Variants in TGM4 observed in about 807,000 individuals in gnomAD.
TGM4 encodes the protein protein-glutamine gamma-glutamyltransferase 4.
In TGM4, 61 loss-of-function variants were observed where a neutral mutation model predicts 76.3. The ratio of observed to expected loss-of-function variants is 0.80; its 90% CI spans 0.65 to 0.99. The LOEUF (loss-of-function observed/expected upper bound fraction) is 0.99. TGM4 is among the 50% of genes least tolerant of loss of function. The probability of loss-of-function intolerance (pLI) is 0.00; values close to 1 mark genes in which losing one functional copy is unlikely to be tolerated. For synonymous variants in TGM4, 337 were observed against 329.8 expected (o/e 1.02, Z -0.24); for missense variants, 794 against 843.2 (o/e 0.94, Z 0.72).
intron 1 of TGM4, among the ~76,000 whole-genome samples, chr3:44,882,260 G>A (rs1699544182): frequency 6.6e-6 from 1 of 152,034 alleles, no homozygotes; most frequent in African/African-American, 2.4e-5. Flanking sequence ...CCCCAGTGTG[G>A]CTTCCTGTAG....
At position 44,901,562 on chromosome 3, in the gene TGM4, T is replaced by C. The variant is rs577480078; in HGVS notation, c.696T>C (p.Asn232=). ...FEKGQGVLIG[N]WTGDYEGGTA... ...AAGGCCAGGGCGTGCTCATTGGGAA[T>C]TGGACTGGGGACTACGAAGGTGGCA... Residue 232 remains asparagine, a synonymous_variant, in exon 7 of 14, where the codon AAT becomes AAC. Coordinates refer to ENST00000296125, the MANE Select transcript of TGM4 (RefSeq NM_003241.4). 1.2e-6 allele frequency: 2 copies of C among 1,613,618 alleles called. No homozygotes were observed. Among genetic ancestry groups the C allele is most frequent in the South Asian group, 1.1e-5 (1 of 90,996 alleles).
In TGM4 at chr3:44,907,130, A is replaced by G. The variant is rs1236649504; in HGVS notation, c.1257A>G (p.Lys419=). 2 of 1,614,126 alleles carry G rather than the reference A, an allele frequency of 1.2e-6. No individual in the cohort carries two copies. Among genetic ancestry groups the G allele is most frequent in the Admixed American group, 3.3e-5 (2 of 60,016 alleles). The change falls in exon 10 of 14, where the codon AAA becomes AAG. Residue 419 remains lysine (K), a synonymous_variant. Transcript: ENST00000296125. ...VISMETTSIG[K]NISTKAVGQD... is the part of the protein sequence containing the mutation. ...CAATGGAGACCACAAGCATCGGGAAAAACATCAGCACCAAGGCAGTGGGCC... is the reference window on the plus strand; with the variant it reads ...CAATGGAGACCACAAGCATCGGGAAGAACATCAGCACCAAGGCAGTGGGCC...
intron 1 of TGM4, among the ~76,000 whole-genome samples, chr3:44,883,458 G>A (rs1172785944): frequency 6.6e-6 from 1 of 152,158 alleles, no homozygotes; most frequent in African/African-American, 2.4e-5. Context: ...CTTGATCTTG[G>A]ACTTCCCAGC....
chr3:44,882,739 A>G (rs1699550964), intron 1 of TGM4, among the ~76,000 whole-genome samples: 1 of 152,132 alleles, frequency 6.6e-6, no homozygotes, highest in South Asian at 2.1e-4. Flanking sequence ...AAAATCCCCT[A>G]TTTCTATAAG....
intron 2 of TGM4, among the ~76,000 whole-genome samples, chr3:44,886,989 C>T (rs1472002390): frequency 6.6e-6 from 1 of 152,260 alleles, no homozygotes; most frequent in Non-Finnish European, 1.5e-5. Context: ...CCACGTCCCA[C>T]CATGTGAAGA....
chr3:44,886,730 C>T (rs1575713816), intron 2 of TGM4, among the ~76,000 whole-genome samples: 1 of 152,218 alleles, frequency 6.6e-6, no homozygotes, highest in Non-Finnish European at 1.5e-5. Flanking sequence ...TGTTGAGTAC[C>T]TACTCTGTGC....
At chr3:44,885,207 C>G (rs1699585435) in intron 1 of TGM4, 118 bp from the exon 2 acceptor site, 5 of 1,057,500 alleles carry the variant, frequency 4.7e-6, no homozygotes, top group East Asian at 2.7e-5. Flanking sequence ...AGCAGGGATG[C>G]CCGACTCTAA....
At position 44,911,096 on chromosome 3, in the gene TGM4, C is replaced by A. The variant is rs369266664; in HGVS notation, c.1745C>A (p.Thr582Lys). 2 of 1,614,172 alleles carry A rather than the reference C, an allele frequency of 1.2e-6. No individual in the cohort carries two copies. Among genetic ancestry groups the A allele is most frequent in the Non-Finnish European group, 1.7e-6 (2 of 1,180,024 alleles). Reference protein sequence around the residue: ...SKEIMASEVFTSFQYPEFSIE... With the variant: ...SKEIMASEVFKSFQYPEFSIE... ...GAAATCATGGCCTCTGAAGTATTCA[C>A]GTCTTTCCAGTACCCTGAGTTCTCT... The change falls in exon 12 of 14, where the codon ACG becomes AAG. Residue 582 changes from threonine to lysine, a missense_variant. Coordinates refer to ENST00000296125, the MANE Select transcript of TGM4 (RefSeq NM_003241.4).
At position 44,913,718 on chromosome 3, in the gene TGM4, C is replaced by T; in HGVS notation, c.2048C>T (p.Thr683Ile). ...AATGCTCAGAAGATTGTTCTCATCA[C>T]CAAGTAGCCTTGTCTGATGCTGTGG... is the stretch of plus-strand genomic sequence containing the variant. ...EINAQKIVLI[T>I]K is the part of the protein sequence containing the mutation. The change falls in exon 14 of 14, where the codon ACC (threonine) becomes ATC (isoleucine). Residue 683 changes from threonine to isoleucine, a missense_variant. Coordinates refer to ENST00000296125, the MANE Select transcript of TGM4 (RefSeq NM_003241.4). 1 of 1,613,238 alleles carries T rather than the reference C, an allele frequency of 6.2e-7. No homozygotes were observed. The highest frequency in any genetic ancestry group is 8.5e-7 in the Non-Finnish European group (1 of 1,179,560).
rs144258634 is a variant in TGM4 at position 44,874,689 on chromosome 3, C to T, written c.11C>T (p.Ala4Val). 4.3e-6 allele frequency: 7 copies of T among 1,614,060 alleles called. No individual in the cohort carries two copies. In the African/African-American group the frequency reaches 5.3e-5, roughly 12 times the overall value. ...AGAGAATCTGAAGGGATGATGGATG[C>T]ATCAAAAGGTGAGTGGGTGAAATCT... MMD[A>V]SKELQVLHID... is the part of the protein sequence containing the mutation. The change falls in exon 1 of 14, where the codon GCA becomes GTA. Residue 4 changes from alanine (A) to valine (V), a missense_variant. Physicochemically the swap from Ala to Val is moderately conservative, Grantham distance 64 (BLOSUM62 0). Transcript: ENST00000296125.
rs144433702 is a variant in TGM4 at position 44,910,215 on chromosome 3, G to C, written c.1453G>C (p.Gly485Arg). 6 of 1,614,064 alleles carry C rather than the reference G, an allele frequency of 3.7e-6. No homozygotes were observed. The African/African-American group carries it at 6.7e-5, about 18-fold the overall frequency. ...GGTACAATCAGATGATGTGCTGCTG[G>C]GAAACTCTGTTAATTTCACCGTGAT... ...MSVQSDDVLL[G>R]NSVNFTVILK... Residue 485 changes from glycine to arginine, a missense_variant, in exon 11 of 14, where the codon GGA (glycine) becomes CGA (arginine). Transcript: ENST00000296125.
intron 6 of TGM4, among the ~76,000 whole-genome samples, chr3:44,898,083 C>A (rs1461917118): frequency 6.6e-6 from 1 of 152,072 alleles, no homozygotes; most frequent in Non-Finnish European, 1.5e-5. Context: ...AGATCGAGAC[C>A]ATCCTGGCTA....
At chr3:44,891,750 G>A (rs965643027) in intron 4 of TGM4, among the ~76,000 whole-genome samples, 8 of 152,100 alleles carry the variant, frequency 5.3e-5, no homozygotes, top group South Asian at 2.1e-4. Context: ...CGAGGTGGGC[G>A]CATCACGAGG....
chr3:44,891,018 G>T (rs1395822238), intron 4 of TGM4, among the ~76,000 whole-genome samples: 2 of 152,202 alleles, frequency 1.3e-5, no homozygotes, highest in Non-Finnish European at 2.9e-5. Context: ...TCGTGGGGGT[G>T]GGGAGGGGCC....
Position 44,914,772 on chromosome 3 carries a change from G to C in TGM4, c.*1047G>C, listed in dbSNP as rs890023704. ...CAGTACATCCAACCCCTCTCTCAAA[G>C]GCTGTCACCCCAACTGGATACACAC... On this transcript the variant is annotated 3_prime_UTR_variant, in exon 14 of 14. Coordinates refer to ENST00000296125, the MANE Select transcript of TGM4 (RefSeq NM_003241.4). 3.3e-5 allele frequency: 5 copies of C among 152,060 alleles called. No individual in the cohort carries two copies. The highest frequency in any genetic ancestry group is 4.8e-5 in the African/African-American group (2 of 41,326). 9.4% of individuals were successfully genotyped at this position (152,060 alleles called of 1,614,324 possible).
intron 11 of TGM4, among the ~76,000 whole-genome samples, chr3:44,910,598 T>C (rs143264714): frequency 1.3e-4 from 20 of 152,174 alleles, no homozygotes; most frequent in African/African-American, 4.3e-4. Flanking sequence ...CGTAGAGTTA[T>C]AAATTAGGGG....
At chr3:44,875,067 A>G (rs1699433007) in intron 1 of TGM4, among the ~76,000 whole-genome samples, 1 of 152,226 alleles carries the variant, frequency 6.6e-6, no homozygotes, top group South Asian at 2.1e-4. Flanking sequence ...CAGATATTAC[A>G]TTATTAAATA....
chr3:44,899,876 T>C (rs567227489), intron 6 of TGM4, among the ~76,000 whole-genome samples: 66 of 152,310 alleles, frequency 4.3e-4, no homozygotes, highest in African/African-American at 1.4e-3. Flanking sequence ...CCAGCTTCCA[T>C]CAGAGTGAGC....
Position 44,887,801 on chromosome 3 carries a change from C to T in TGM4, c.300+6C>T, listed in dbSNP as rs761015829. On this transcript the variant is annotated splice_donor_region_variant and intron_variant, in intron 3 of 13. Coordinates refer to ENST00000296125, the MANE Select transcript of TGM4 (RefSeq NM_003241.4). The stretch of plus-strand genomic sequence containing the variant: ...AAAATGAGTCTGGCAAAGAGGTGAG[C>T]ACCCACTGGGCTGGCGGGTGGGCTG... The T allele has an allele frequency of 5.6e-6, 9 of 1,613,638 alleles. No homozygotes were observed. In the Admixed American group the frequency reaches 1.2e-4, roughly 21 times the overall value.
Sources: gnomAD v4.1 joint callset for allele counts (sites outside exome capture counted in the v4.1 genomes callset) on GRCh38, gnomAD v4.1.1 for gene constraint, MANE v1.5 for transcripts, NCBI Gene and HGNC (gene_info 2026-07-23, HGNC 2026-07-21) for gene names.